Variants in PDE7B observed in about 807,000 individuals in gnomAD.
The protein encoded by PDE7B is 3',5'-cyclic-AMP phosphodiesterase 7B.
PDE7B carries 29 observed loss-of-function variants against 56.2 expected under a neutral mutation model. The ratio of observed to expected loss-of-function variants is 0.52; its 90% CI spans 0.38 to 0.70. The LOEUF (loss-of-function observed/expected upper bound fraction) is 0.70, where lower values mean the gene tolerates loss of function less well. Ranked by LOEUF, PDE7B falls within the 30% of genes least tolerant of loss-of-function variation. The probability of loss-of-function intolerance (pLI) is 0.00; values close to 1 mark genes in which losing one functional copy is unlikely to be tolerated. For missense variants in PDE7B, 490 were observed against 565.0 expected (o/e 0.87, Z 1.35); for synonymous variants, 197 against 196.9 (o/e 1.00, Z 0.00).
intron 3 of PDE7B, chr6:136,111,205 T>C (rs1400477153): frequency 6.6e-6 from 1 of 152,190 alleles, no homozygotes; most frequent in Non-Finnish European, 1.5e-5. Context: ...AAAAAGACTA[T>C]AAGATCCTAA....
At chr6:135,942,268 T>G (rs1774518750) in intron 1 of PDE7B, among the ~76,000 whole-genome samples, 2 of 152,178 alleles carry the variant, frequency 1.3e-5, no homozygotes, top group Admixed American at 1.3e-4. Flanking sequence ...TTGTGCACAT[T>G]TTGCTAGAAC....
chr6:136,095,281 A>G (rs1217184123), intron 2 of PDE7B, among the ~76,000 whole-genome samples: 1 of 152,200 alleles, frequency 6.6e-6, no homozygotes. Context: ...TATCAATAAT[A>G]TGATTTATAT....
chr6:135,968,398 A>G (rs1775035752), intron 2 of PDE7B, among the ~76,000 whole-genome samples: 1 of 152,182 alleles, frequency 6.6e-6, no homozygotes, highest in Non-Finnish European at 1.5e-5. Context: ...AATTTTTGCA[A>G]TCTATCCATC....
Position 135,926,378 on chromosome 6 carries a change from T to C in PDE7B, c.22-21086T>C, listed in dbSNP as rs141758775. ...CTGGGATTACAGGCGTGAGCCACCATGCCCGGCAAACCTCTGTATTTTTTA... is the reference window on the plus strand; with the variant it reads ...CTGGGATTACAGGCGTGAGCCACCACGCCCGGCAAACCTCTGTATTTTTTA... On this transcript the variant is annotated intron_variant, in intron 1 of 12. Transcript: ENST00000308191. Among the ~76,000 whole-genome samples the C allele has an allele frequency of 9.9e-3, 1,507 of 152,108 alleles. 11 individuals carry two copies. Among genetic ancestry groups the C allele is most frequent in the Non-Finnish European group, 0.014 (924 of 67,984 alleles).
intron 2 of PDE7B, among the ~76,000 whole-genome samples, chr6:136,000,134 T>C (rs1201520892): frequency 6.6e-6 from 1 of 152,238 alleles, no homozygotes; most frequent in Non-Finnish European, 1.5e-5. Flanking sequence ...AAGTTCCTTA[T>C]ATATGCTGGA....
At chr6:135,954,229 G>A (rs1000783923) in intron 2 of PDE7B, among the ~76,000 whole-genome samples, 2 of 152,122 alleles carry the variant, frequency 1.3e-5, no homozygotes, top group African/African-American at 4.8e-5. Context: ...TAAGGACTCC[G>A]TTTCATTCAC....
At chr6:136,172,404 A>T (rs1778903147) in intron 8 of PDE7B, among the ~76,000 whole-genome samples, 2 of 152,204 alleles carry the variant, frequency 1.3e-5, no homozygotes, top group East Asian at 1.9e-4. Context: ...GTGAGCATTT[A>T]TTCATGTGTT....
chr6:135,982,952 G>A (rs1425788410), intron 2 of PDE7B, among the ~76,000 whole-genome samples: 2 of 152,114 alleles, frequency 1.3e-5, no homozygotes, highest in African/African-American at 4.8e-5. Flanking sequence ...AGAACTCCCA[G>A]TCTCTGTTTT....
intron 3 of PDE7B, among the ~76,000 whole-genome samples, chr6:136,143,436 G>A (rs1206139602): frequency 4.6e-5 from 7 of 151,528 alleles, no homozygotes; most frequent in African/African-American, 1.7e-4. Flanking sequence ...AAATTTAGGG[G>A]AATACCAAAT....
At chr6:135,905,999 T>C (rs1269135919) in intron 1 of PDE7B, among the ~76,000 whole-genome samples, 1 of 152,180 alleles carries the variant, frequency 6.6e-6, no homozygotes, top group Non-Finnish European at 1.5e-5. Flanking sequence ...GAGTCCCACA[T>C]GTTCGGAAAA....
At chr6:136,089,247 A>G (rs964131902) in intron 2 of PDE7B, among the ~76,000 whole-genome samples, 4 of 152,224 alleles carry the variant, frequency 2.6e-5, no homozygotes, top group Non-Finnish European at 4.4e-5. Flanking sequence ...TAAAAAGAGG[A>G]GACTTTCAAG....
chr6:136,137,300 C>T (rs2128445405), intron 3 of PDE7B, among the ~76,000 whole-genome samples: 2 of 152,116 alleles, frequency 1.3e-5, no homozygotes, highest in Middle Eastern at 3.4e-3. Context: ...GGAAGATAAA[C>T]AAAGCCTATG....
chr6:136,099,138 G>A (rs1220300944), intron 2 of PDE7B, among the ~76,000 whole-genome samples: 2 of 152,108 alleles, frequency 1.3e-5, no homozygotes, highest in Non-Finnish European at 2.9e-5. Context: ...GTATTCCATG[G>A]CATAAATGTG....
chr6:135,877,132 T>C (rs1010692763), intron 1 of PDE7B, among the ~76,000 whole-genome samples: 1 of 152,194 alleles, frequency 6.6e-6, no homozygotes, highest in African/African-American at 2.4e-5. Flanking sequence ...ATTTTGATCT[T>C]TTCCTTTATC....
At chr6:135,854,972 T>G (rs1343632124) in intron 1 of PDE7B, among the ~76,000 whole-genome samples, 2 of 152,206 alleles carry the variant, frequency 1.3e-5, no homozygotes, top group Non-Finnish European at 2.9e-5. Flanking sequence ...CATTTAAGTA[T>G]CTAAATGAGT....
intron 11 of PDE7B, among the ~76,000 whole-genome samples, chr6:136,184,582 T>C (rs1404731573): frequency 6.6e-6 from 1 of 152,152 alleles, no homozygotes; most frequent in Non-Finnish European, 1.5e-5. Flanking sequence ...CTAGATAGAA[T>C]GGAATGGAAA....
At position 136,169,738 on chromosome 6, in the gene PDE7B, T is replaced by G. The variant is rs184257105; in HGVS notation, c.712-4059T>G. On this transcript the variant is annotated intron_variant, in intron 8 of 12. Transcript: ENST00000308191. ...GTTACATCACACTAATCTATCACTC[T>G]TCTCTCCTAAATCTTTTCAATCAAA... is the stretch of plus-strand genomic sequence containing the variant. Among the ~76,000 whole-genome samples the G allele has an allele frequency of 5.3e-3, 807 of 152,326 alleles. 13 individuals are homozygous for G. Among genetic ancestry groups the G allele is most frequent in the African/African-American group, 0.017 (710 of 41,582 alleles).
chr6:135,985,877 C>T (rs1318290035), intron 2 of PDE7B, among the ~76,000 whole-genome samples: 2 of 152,158 alleles, frequency 1.3e-5, no homozygotes, highest in Non-Finnish European at 2.9e-5. Context: ...ACCTTGACAA[C>T]GTGTTTTCTG....
intron 1 of PDE7B, among the ~76,000 whole-genome samples, chr6:135,942,251 A>G (rs1023886925): frequency 1.3e-5 from 2 of 152,216 alleles, no homozygotes; most frequent in Admixed American, 6.5e-5. Context: ...CTTAAGAGAA[A>G]TATATTTTGT....
Sources: gnomAD v4.1 joint callset for allele counts (sites outside exome capture counted in the v4.1 genomes callset) on GRCh38, gnomAD v4.1.1 for gene constraint, MANE v1.5 for transcripts, NCBI Gene and HGNC (gene_info 2026-07-23, HGNC 2026-07-21) for gene names.